The following CERS3 variants were observed in gnomAD, a reference collection of about 807,000 sequenced individuals.
CERS3 encodes the protein LAG1 homolog, ceramide synthase 3.
In CERS3, 33 loss-of-function variants were observed where a neutral mutation model predicts 50.3. The ratio of observed to expected loss-of-function variants is 0.66; its 90% CI spans 0.50 to 0.88. CERS3 has a LOEUF of 0.88. Ranked by LOEUF, CERS3 falls within the 40% of genes least tolerant of loss-of-function variation. The pLI, the probability that CERS3 is intolerant of heterozygous loss-of-function variation, is 0.00. For missense variants in CERS3, 470 were observed against 460.3 expected, an observed-to-expected ratio of 1.02 and a Z score of -0.19; for synonymous variants, 176 against 155.2, an observed-to-expected ratio of 1.13 and a Z score of -0.99.
intron 1 of CERS3, among the ~76,000 whole-genome samples, chr15:100,539,756 C>T (rs1315148251): frequency 6.6e-6 from 1 of 152,204 alleles, no homozygotes; most frequent in African/African-American, 2.4e-5. Flanking sequence ...CTTGGTCACT[C>T]TTTGATCATT....
chr15:100,524,417 T>TA (rs1439948591), intron 1 of CERS3, among the ~76,000 whole-genome samples: 28 of 152,332 alleles, frequency 1.8e-4, no homozygotes, highest in Admixed American at 1.5e-3. Context: ...AGAAAAGCTC[T>TA]GAAGTTTTAC....
upstream of CERS3, among the ~76,000 whole-genome samples, chr15:100,533,617 G>A (rs2036998547): frequency 7.1e-6 from 1 of 140,218 alleles, no homozygotes; most frequent in South Asian, 2.3e-4. Context: ...CAGTGCAGTG[G>A]CGCAATCTCA....
intron 2 of CERS3, among the ~76,000 whole-genome samples, chr15:100,507,867 T>C (rs1044577088): frequency 6.6e-6 from 1 of 152,252 alleles, no homozygotes; most frequent in Admixed American, 6.5e-5. Flanking sequence ...GAAAAGATAG[T>C]CGCGGTCTCT....
chr15:100,450,488 T>TC (rs1464299025), intron 11 of CERS3, among the ~76,000 whole-genome samples: 2 of 151,172 alleles, frequency 1.3e-5, no homozygotes, highest in African/African-American at 4.9e-5. Flanking sequence ...GACAGGTCTT[T>TC]TGAAAGAACT....
intron 10 of CERS3, among the ~76,000 whole-genome samples, chr15:100,457,308 C>CA (rs1398149134): frequency 1.3e-5 from 2 of 152,040 alleles, no homozygotes; most frequent in African/African-American, 4.8e-5. Flanking sequence ...CCTATCTTGC[C>CA]AAAAAAATTC....
At chr15:100,467,850 T>TATATATATATATATAG (rs145899470) in intron 10 of CERS3, among the ~76,000 whole-genome samples, 2 of 93,136 alleles carry the variant, frequency 2.1e-5, no homozygotes, top group African/African-American at 7.5e-5. Flanking sequence ...TATATATATA[T>TATATATATATATATAG]ATAGATAGAT....
At chr15:100,493,677 C>T (rs1428999159) in intron 3 of CERS3, among the ~76,000 whole-genome samples, 16 of 152,090 alleles carry the variant, frequency 1.1e-4, no homozygotes, top group Admixed American at 1.0e-3. Flanking sequence ...TGTTGGTATT[C>T]AAGTCTCTAA....
intron 2 of CERS3, among the ~76,000 whole-genome samples, chr15:100,508,880 T>TA (rs1369701322): frequency 1.3e-5 from 2 of 152,180 alleles, no homozygotes; most frequent in African/African-American, 4.8e-5. Flanking sequence ...CTGCAATTTT[T>TA]ACTCATGTAA....
At chr15:100,431,586 C>G (rs2033135644) in intron 11 of CERS3, among the ~76,000 whole-genome samples, 1 of 152,142 alleles carries the variant, frequency 6.6e-6, no homozygotes, top group Non-Finnish European at 1.5e-5. Context: ...GTGATCTCCG[C>G]TTTTTAAAAA....
chr15:100,412,205 G>A lies in CERS3; in HGVS notation c.1000-9340C>T, dbSNP rs1454455460. Among the ~76,000 whole-genome samples, 4 of 152,020 alleles carry A rather than the reference G, an allele frequency of 2.6e-5. No homozygotes were observed. The East Asian group carries it at 7.7e-4, about 29-fold the overall frequency. On this transcript the variant is annotated intron_variant, in intron 11 of 11. Transcript: ENST00000679737. ...TATTTGCCCTATGTTTTCTTCTATA[G>A]TTTTAGGTCTTTGCTTGAATTCAAG...
chr15:100,474,569 T>A (rs1031470968), intron 8 of CERS3, among the ~76,000 whole-genome samples: 2 of 152,318 alleles, frequency 1.3e-5, no homozygotes, highest in Non-Finnish European at 2.9e-5. Context: ...CACACCTGGC[T>A]AATTTTTGTA....
At chr15:100,442,678 A>T (rs1195413093) in intron 11 of CERS3, among the ~76,000 whole-genome samples, 4 of 152,162 alleles carry the variant, frequency 2.6e-5, no homozygotes, top group Admixed American at 2.6e-4. Flanking sequence ...CTCACCTGGC[A>T]GCCACTCCCA....
At chr15:100,473,481 G>A (rs2035031944) in intron 8 of CERS3, among the ~76,000 whole-genome samples, 1 of 152,208 alleles carries the variant, frequency 6.6e-6, no homozygotes, top group Non-Finnish European at 1.5e-5. Flanking sequence ...TACTGTCACT[G>A]AGTATAATAA....
At chr15:100,532,822 C>T (rs1245849353), upstream of CERS3, among the ~76,000 whole-genome samples, 1 of 152,176 alleles carries the variant, frequency 6.6e-6, no homozygotes, top group Non-Finnish European at 1.5e-5. Context: ...AATGTCTTCA[C>T]AAGTGGTTCC....
intron 2 of CERS3, among the ~76,000 whole-genome samples, chr15:100,519,264 G>A (rs749195768): frequency 3.9e-5 from 6 of 152,116 alleles, no homozygotes; most frequent in Non-Finnish European, 7.4e-5. Flanking sequence ...CAGTGATTGA[G>A]GTGGACTTGG....
In CERS3 at chr15:100,424,991, T is replaced by C. The variant is rs2032716032; in HGVS notation, c.1000-22126A>G. ...TGTCTCAGGCCACTGTTCCAGAGGG[T>C]GCAAGCCAAAAACCTTGGCGGCTTC... On this transcript the variant is annotated intron_variant, in intron 11 of 11. Transcript: ENST00000679737. Among the ~76,000 whole-genome samples, 4 of 151,532 alleles carry C rather than the reference T, an allele frequency of 2.6e-5. No individual in the cohort carries two copies. The South Asian group carries it at 6.3e-4, about 24-fold the overall frequency.
At chr15:100,501,977 T>C (rs551229782) in intron 2 of CERS3, 127 bp from the exon 3 acceptor site, 4 of 906,074 alleles carry the variant, frequency 4.4e-6, no homozygotes, top group South Asian at 3.4e-5. Context: ...CCTAGCGCAG[T>C]GGCTCACACC....
At chr15:100,496,680 A>G (rs2035824410) in intron 3 of CERS3, among the ~76,000 whole-genome samples, 1 of 152,210 alleles carries the variant, frequency 6.6e-6, no homozygotes, top group Non-Finnish European at 1.5e-5. Flanking sequence ...ACCTCAATAA[A>G]GCAGATATTT....
At chr15:100,444,396 G>A (rs926553952) in intron 11 of CERS3, among the ~76,000 whole-genome samples, 2 of 151,672 alleles carry the variant, frequency 1.3e-5, no homozygotes, top group Non-Finnish European at 2.9e-5. Context: ...TGACCCCCAT[G>A]ACTGCATCTC....
Sources: allele counts gnomAD v4.1 joint callset (sites outside exome capture counted in the v4.1 genomes callset), GRCh38; gene constraint gnomAD v4.1.1; transcripts MANE v1.5; gene names NCBI Gene and HGNC (gene_info 2026-07-23, HGNC 2026-07-21).